The following CCSER1 variants were observed in gnomAD, a reference collection of about 807,000 sequenced individuals.
CCSER1 encodes the protein serine-rich coiled-coil domain-containing protein 1.
In CCSER1, 41 loss-of-function variants were observed where a neutral mutation model predicts 82.0. The ratio of observed to expected loss-of-function variants is 0.50; its 90% CI spans 0.39 to 0.65. CCSER1 has a LOEUF of 0.65. CCSER1 is among the 30% of genes least tolerant of loss of function. The probability of loss-of-function intolerance (pLI) is 0.00; values close to 1 mark genes in which losing one functional copy is unlikely to be tolerated. For missense variants in CCSER1, 1,119 were observed against 1,064.2 expected, an observed-to-expected ratio of 1.05 and a Z score of -0.72; for synonymous variants, 414 against 383.9, an observed-to-expected ratio of 1.08 and a Z score of -0.92.
chr4:90,826,349 C>G (rs561649302), intron 8 of CCSER1, among the ~76,000 whole-genome samples: 1 of 152,240 alleles, frequency 6.6e-6, no homozygotes, highest in African/African-American at 2.4e-5. Flanking sequence ...TGTTCTACTT[C>G]ACAATAAAGT....
intron 1 of CCSER1, 85 bp from the exon 2 acceptor site, chr4:90,308,159 T>A: frequency 9.9e-7 from 1 of 1,013,866 alleles, no homozygotes; most frequent in Non-Finnish European, 1.4e-6. Context: ...CTATTTTGTG[T>A]CTCGAAAAGC....
At chr4:90,276,251 T>TTTCTTTCTTTCTTTCTTTCTTTCTTCCC (rs1727659770) in intron 1 of CCSER1, among the ~76,000 whole-genome samples, 8 of 76,828 alleles carry the variant, frequency 1.0e-4, no homozygotes, top group African/African-American at 4.1e-4. Context: ...TCTTTCTTTC[T>TTTCTTTCTTTCTTTCTTTCTTTCTTCCC]TTCCTTCCTT....
At chr4:91,307,189 T>C (rs1745129608) in intron 10 of CCSER1, among the ~76,000 whole-genome samples, 1 of 151,972 alleles carries the variant, frequency 6.6e-6, no homozygotes, top group Non-Finnish European at 1.5e-5. Context: ...AAAATATTTC[T>C]GTGTTTTCAT....
At chr4:90,169,404 C>T (rs2153375216) in intron 1 of CCSER1, among the ~76,000 whole-genome samples, 1 of 152,150 alleles carries the variant, frequency 6.6e-6, no homozygotes. Context: ...TCTAGGTATA[C>T]AATCATGTCA....
At chr4:91,218,048 G>A (rs902014854) in intron 10 of CCSER1, among the ~76,000 whole-genome samples, 2 of 152,190 alleles carry the variant, frequency 1.3e-5, no homozygotes, top group Non-Finnish European at 2.9e-5. Context: ...GGCTCCGGCC[G>A]CACAGGAGCC....
At chr4:91,439,701 G>T (rs1433782549) in intron 10 of CCSER1, among the ~76,000 whole-genome samples, 1 of 152,024 alleles carries the variant, frequency 6.6e-6, no homozygotes, top group African/African-American at 2.4e-5. Context: ...CCATCAGTGT[G>T]CTGTATTCAG....
chr4:90,972,244 C>G (rs1346874927), intron 9 of CCSER1, among the ~76,000 whole-genome samples: 1 of 151,570 alleles, frequency 6.6e-6, no homozygotes, highest in African/African-American at 2.4e-5. Flanking sequence ...CCTAAAGATG[C>G]CACCCAAAAC....
intron 9 of CCSER1, among the ~76,000 whole-genome samples, chr4:90,964,565 A>C (rs1203762356): frequency 1.3e-5 from 2 of 151,800 alleles, no homozygotes; most frequent in Non-Finnish European, 2.9e-5. Context: ...TCTACTAAAA[A>C]TACAAAAAAC....
intron 1 of CCSER1, among the ~76,000 whole-genome samples, chr4:90,165,116 A>G (rs1730215509): frequency 6.6e-6 from 1 of 152,104 alleles, no homozygotes; most frequent in African/African-American, 2.4e-5. Context: ...TTGAAGACCT[A>G]GAATTTTAAC....
intron 1 of CCSER1, among the ~76,000 whole-genome samples, chr4:90,199,005 C>T (rs1449433175): frequency 6.6e-6 from 1 of 152,034 alleles, no homozygotes; most frequent in Non-Finnish European, 1.5e-5. Context: ...TCAATCTTTT[C>T]ACTAATCTCC....
At chr4:91,323,113 A>G (rs945647595) in intron 10 of CCSER1, among the ~76,000 whole-genome samples, 1 of 152,322 alleles carries the variant, frequency 6.6e-6, no homozygotes. Flanking sequence ...GAGCAGAAAC[A>G]TGCGGGCTGG....
At chr4:90,765,557 G>C (rs1270538563) in intron 7 of CCSER1, among the ~76,000 whole-genome samples, 1 of 152,054 alleles carries the variant, frequency 6.6e-6, no homozygotes, top group Non-Finnish European at 1.5e-5. Context: ...ATAGAGATTT[G>C]AAGGAGAGTG....
At chr4:90,294,815 C>T (rs116373414) in intron 1 of CCSER1, among the ~76,000 whole-genome samples, 4,759 of 151,892 alleles carry the variant, frequency 0.031, 195 homozygotes, top group African/African-American at 0.095. Flanking sequence ...TAAGGGTAAT[C>T]ACTGTTAATG....
At chr4:91,118,974 G>A (rs1462258246) in intron 10 of CCSER1, among the ~76,000 whole-genome samples, 1 of 152,166 alleles carries the variant, frequency 6.6e-6, no homozygotes, top group Admixed American at 6.5e-5. Flanking sequence ...CTCAGTGAAT[G>A]TGCAAGTTAG....
chr4:90,392,338 A>G (rs1311821762), intron 3 of CCSER1, among the ~76,000 whole-genome samples: 1 of 152,076 alleles, frequency 6.6e-6, no homozygotes, highest in Non-Finnish European at 1.5e-5. Context: ...ATTGGTTTAA[A>G]TTCATATAAA....
intron 10 of CCSER1, among the ~76,000 whole-genome samples, chr4:91,323,478 T>C (rs1479026536): frequency 6.6e-6 from 1 of 152,172 alleles, no homozygotes. Flanking sequence ...TCAAGTAAAT[T>C]GAACTTTTGC....
chr4:91,248,852 T>C (rs1242506311), intron 10 of CCSER1, among the ~76,000 whole-genome samples: 2 of 152,174 alleles, frequency 1.3e-5, no homozygotes, highest in African/African-American at 2.4e-5. Context: ...CTGGTATGCA[T>C]GGGGATTCTA....
intron 10 of CCSER1, among the ~76,000 whole-genome samples, chr4:91,284,410 T>C (rs550362324): frequency 1.3e-4 from 20 of 152,110 alleles, no homozygotes; most frequent in Non-Finnish European, 2.5e-4. Flanking sequence ...AATGTTTAGA[T>C]AGAAAGCCCA....
At chr4:91,134,228 A>G (rs1035791706) in intron 10 of CCSER1, among the ~76,000 whole-genome samples, 2 of 152,164 alleles carry the variant, frequency 1.3e-5, no homozygotes, top group African/African-American at 4.8e-5. Flanking sequence ...TGCTGTCTCT[A>G]CAAAAGAAAT....
Sources: gnomAD v4.1 joint callset for allele counts (sites outside exome capture counted in the v4.1 genomes callset) on GRCh38, gnomAD v4.1.1 for gene constraint, MANE v1.5 for transcripts, NCBI Gene and HGNC (gene_info 2026-07-23, HGNC 2026-07-21) for gene names.